The following TIMD4 variants were observed in gnomAD, a reference collection of about 807,000 sequenced individuals.
TIMD4 encodes the protein T cell immunoglobulin and mucin domain containing 4.
TIMD4 carries 31 observed loss-of-function variants against 41.2 expected under a neutral mutation model. That is an observed-to-expected ratio of 0.75 (90% CI 0.57 to 1.01). TIMD4 has a LOEUF of 1.01. Ranked by LOEUF, TIMD4 falls within the 50% of genes least tolerant of loss-of-function variation. The pLI is 0.00. For missense variants in TIMD4, 479 were observed against 472.5 expected (o/e 1.01, Z -0.13); for synonymous variants, 204 against 177.1 (o/e 1.15, Z -1.21).
chr5:156,949,777 T>G, intron 3 of TIMD4, 46 bp from the exon 4 acceptor site: 1 of 1,241,058 alleles, frequency 8.1e-7, no homozygotes, highest in Non-Finnish European at 1.2e-6. Context: ...AAAGTAGTTA[T>G]TGTGTTTGTG....
intron 5 of TIMD4, 94 bp downstream of exon 5, chr5:156,948,322 T>TATA (rs774619210): frequency 8.4e-4 from 519 of 616,812 alleles, no homozygotes; most frequent in Non-Finnish European, 1.0e-3. Context: ...AACTCATCTC[T>TATA]ACAAAAAAAA....
At chr5:156,938,643 A>G (rs1454330273) in intron 5 of TIMD4, among the ~76,000 whole-genome samples, 1 of 152,044 alleles carries the variant, frequency 6.6e-6, no homozygotes, top group South Asian at 2.1e-4. Context: ...GCATCCTCCT[A>G]TGCCATGCCA....
At chr5:156,921,818 T>A (rs989343076) in intron 7 of TIMD4, among the ~76,000 whole-genome samples, 1 of 151,982 alleles carries the variant, frequency 6.6e-6, no homozygotes, top group Non-Finnish European at 1.5e-5. Flanking sequence ...ACATCAAGAG[T>A]ATACCATCAG....
intron 5 of TIMD4, among the ~76,000 whole-genome samples, chr5:156,937,602 T>G (rs1055651394): frequency 6.6e-6 from 1 of 152,198 alleles, no homozygotes; most frequent in Non-Finnish European, 1.5e-5. Flanking sequence ...CACCCCTTAT[T>G]TCTTTTTCAC....
At chr5:156,948,611 C>T in intron 4 of TIMD4, 112 bp from the exon 5 acceptor site, 1 of 518,510 alleles carries the variant, frequency 1.9e-6, no homozygotes, top group Non-Finnish European at 3.1e-6. Flanking sequence ...CAAAACAAAA[C>T]AAAACAAAGT....
At position 156,961,808 on chromosome 5, in the gene TIMD4, C is replaced by CAAAAAAAA. The variant is rs71578911; in HGVS notation, c.58+1325_58+1332dup. Among the ~76,000 whole-genome samples, 167 of 27,932 alleles carry CAAAAAAAA rather than the reference C, an allele frequency of 6.0e-3. 1 individual carries two copies. The highest frequency in any genetic ancestry group is 0.067 in the Middle Eastern group (2 of 30). The allele number at this position is 27,932 out of a possible 152,430, so 18.3% of individuals were successfully genotyped here. ...TAGGCAAAAGAGCGAGACTCCGTCT[C>CAAAAAAAA]AAAAAAAAAAAAAAAAAAAAAAAAA... On this transcript the variant is annotated intron_variant, in intron 1 of 8. Coordinates refer to ENST00000274532, the MANE Select transcript of TIMD4 (RefSeq NM_138379.3).
At chr5:156,942,744 G>A (rs1759670829) in intron 5 of TIMD4, among the ~76,000 whole-genome samples, 1 of 152,170 alleles carries the variant, frequency 6.6e-6, no homozygotes, top group Non-Finnish European at 1.5e-5. Context: ...AAACCTGGAA[G>A]CATTAGAATG....
chr5:156,950,769 G>A (rs1333948512), intron 3 of TIMD4, among the ~76,000 whole-genome samples: 2 of 152,164 alleles, frequency 1.3e-5, no homozygotes, highest in East Asian at 1.9e-4. Flanking sequence ...GGCGTCTGGA[G>A]GTCTTTCCTC....
intron 1 of TIMD4, among the ~76,000 whole-genome samples, chr5:156,956,147 C>T (rs559717483): frequency 2.0e-5 from 3 of 152,232 alleles, no homozygotes; most frequent in African/African-American, 7.2e-5. Context: ...ACTCACCCAC[C>T]CCCCAGCCTC....
chr5:156,957,171 C>T (rs1011607587), intron 1 of TIMD4, among the ~76,000 whole-genome samples: 4 of 152,082 alleles, frequency 2.6e-5, no homozygotes, highest in East Asian at 1.9e-4. Context: ...CAGCCTTCCC[C>T]GAATTTAGTC....
At chr5:156,950,064 T>G (rs545614308) in intron 3 of TIMD4, among the ~76,000 whole-genome samples, 1 of 152,310 alleles carries the variant, frequency 6.6e-6, no homozygotes, top group East Asian at 1.9e-4. Flanking sequence ...GTGATCCACC[T>G]GCTTTGGTCT....
chr5:156,933,127 T>C (rs1435923313), intron 5 of TIMD4, among the ~76,000 whole-genome samples: 1 of 152,174 alleles, frequency 6.6e-6, no homozygotes, highest in Non-Finnish European at 1.5e-5. Flanking sequence ...ATGAAACTAA[T>C]GAAATTTAAA....
intron 5 of TIMD4, among the ~76,000 whole-genome samples, chr5:156,931,694 C>G (rs1027436149): frequency 6.6e-6 from 1 of 152,170 alleles, no homozygotes; most frequent in African/African-American, 2.4e-5. Flanking sequence ...GGCATGGGCA[C>G]TCTGGTAAAA....
At position 156,932,986 on chromosome 5, in the gene TIMD4, C is replaced by T. The variant is rs186946986; in HGVS notation, c.845-6674G>A. 5.4e-5 allele frequency among the ~76,000 whole-genome samples: 8 copies of T among 146,962 alleles called. No homozygotes were observed. In the East Asian group the frequency reaches 1.4e-3, roughly 25 times the overall value. Reference sequence around the variant, plus strand: ...GCCACTGCACTCCAGCCTGGGCAACCGAGTAAGACTCTGTCTCAAAAAAAG... The same window carrying T: ...GCCACTGCACTCCAGCCTGGGCAACTGAGTAAGACTCTGTCTCAAAAAAAG... On this transcript the variant is annotated intron_variant, in intron 5 of 8. Transcript: ENST00000274532.
intron 6 of TIMD4, chr5:156,924,725 C>A: frequency 1.8e-5 from 3 of 170,976 alleles, no homozygotes; most frequent in South Asian, 1.6e-4. Flanking sequence ...AAATTTCATG[C>A]TCTACACATT....
intron 5 of TIMD4, among the ~76,000 whole-genome samples, chr5:156,928,712 A>C (rs1410627245): frequency 6.6e-6 from 1 of 152,174 alleles, no homozygotes; most frequent in African/African-American, 2.4e-5. Context: ...CAGGAAAGTG[A>C]CTTGTTAAAT....
intron 5 of TIMD4, among the ~76,000 whole-genome samples, chr5:156,945,021 G>A (rs928554224): frequency 6.6e-6 from 1 of 152,148 alleles, no homozygotes; most frequent in East Asian, 1.9e-4. Context: ...CTTTGCCATC[G>A]AAAATTACAT....
intron 6 of TIMD4, among the ~76,000 whole-genome samples, chr5:156,925,513 T>C (rs1759331101): frequency 6.6e-6 from 1 of 152,122 alleles, no homozygotes; most frequent in South Asian, 2.1e-4. Flanking sequence ...AAAGAGGGGA[T>C]GGGGAAACTT....
intron 5 of TIMD4, among the ~76,000 whole-genome samples, chr5:156,929,121 C>A (rs1372645804): frequency 6.6e-6 from 1 of 152,136 alleles, no homozygotes; most frequent in East Asian, 1.9e-4. Context: ...CACAGAATGG[C>A]AACACTGAGA....
Sources: allele counts gnomAD v4.1 joint callset (sites outside exome capture counted in the v4.1 genomes callset), GRCh38; gene constraint gnomAD v4.1.1; transcripts MANE v1.5; gene names NCBI Gene and HGNC (gene_info 2026-07-23, HGNC 2026-07-21).